The following ZPBP variants were observed in gnomAD, a reference collection of about 807,000 sequenced individuals.
ZPBP encodes zona pellucida binding protein.
Under a neutral mutation model 44.8 loss-of-function variants are expected in ZPBP, and 26 were observed. The observed-to-expected ratio is 0.58, with a 90% CI of 0.43 to 0.81. ZPBP has a LOEUF of 0.81. Ranked by LOEUF, ZPBP falls within the 30% of genes least tolerant of loss-of-function variation. The pLI is 0.00. For synonymous variants in ZPBP, 174 were observed against 153.2 expected, an observed-to-expected ratio of 1.14 and a Z score of -1.00; for missense variants, 409 against 434.0, an observed-to-expected ratio of 0.94 and a Z score of 0.51.
intron 4 of ZPBP, among the ~76,000 whole-genome samples, chr7:50,055,780 C>T (rs1477515367): frequency 6.6e-6 from 1 of 152,094 alleles, no homozygotes; most frequent in African/African-American, 2.4e-5. Context: ...TATTAGCTAT[C>T]ATTATCATTA....
downstream of ZPBP, chr7:49,937,422 A>T (rs1055056682): frequency 7.9e-5 from 70 of 884,532 alleles, no homozygotes; most frequent in Admixed American, 6.1e-4. Flanking sequence ...ATGATGACAC[A>T]TTTTTTTGTA....
intron 1 of ZPBP, chr7:49,917,620 T>C (rs1226950428): frequency 2.6e-5 from 4 of 152,164 alleles, no homozygotes; most frequent in African/African-American, 7.2e-5. Flanking sequence ...CTAAACACAA[T>C]TGCAAATATT....
At chr7:49,980,086 ATTTT>A (rs1460687709) in intron 7 of ZPBP, among the ~76,000 whole-genome samples, 2 of 97,942 alleles carry the variant, frequency 2.0e-5, no homozygotes, top group Admixed American at 1.6e-4. Context: ...ATATAATATA[ATTTT>A]ATATTATATA....
intron 7 of ZPBP, among the ~76,000 whole-genome samples, chr7:49,953,862 T>C (rs1363159422): frequency 1.3e-5 from 2 of 152,140 alleles, no homozygotes; most frequent in East Asian, 1.9e-4. Flanking sequence ...GTACTTAATA[T>C]TGTTAAGATG....
At chr7:50,012,174 G>C (rs1426112655) in intron 6 of ZPBP, among the ~76,000 whole-genome samples, 4 of 151,876 alleles carry the variant, frequency 2.6e-5, no homozygotes, top group Admixed American at 2.6e-4. Flanking sequence ...GCAATTTCAT[G>C]CCAGAAAAAT....
At chr7:50,062,091 A>G (rs919016628) in intron 3 of ZPBP, among the ~76,000 whole-genome samples, 1 of 152,230 alleles carries the variant, frequency 6.6e-6, no homozygotes, top group African/African-American at 2.4e-5. Flanking sequence ...CAAAAAGAAT[A>G]AAATACCTAG....
chr7:50,034,452 T>G (rs1276721276), intron 4 of ZPBP, among the ~76,000 whole-genome samples: 1 of 152,196 alleles, frequency 6.6e-6, no homozygotes, highest in African/African-American at 2.4e-5. Context: ...TGGGAAAATC[T>G]ATCAAATTGC....
chr7:49,992,669 T>TA (rs1797624426), intron 6 of ZPBP, among the ~76,000 whole-genome samples: 1 of 152,116 alleles, frequency 6.6e-6, no homozygotes, highest in Non-Finnish European at 1.5e-5. Context: ...CATTGAGATA[T>TA]GATATAATTT....
At chr7:49,976,532 G>A (rs1198819693) in intron 7 of ZPBP, among the ~76,000 whole-genome samples, 1 of 152,110 alleles carries the variant, frequency 6.6e-6, no homozygotes, top group African/African-American at 2.4e-5. Context: ...ATGATAGAAA[G>A]GAAGGGAGCT....
At chr7:49,970,153 T>C (rs1253796623) in intron 7 of ZPBP, among the ~76,000 whole-genome samples, 2 of 152,096 alleles carry the variant, frequency 1.3e-5, no homozygotes, top group Non-Finnish European at 2.9e-5. Context: ...TAGCTACATG[T>C]CTGGCCTATG....
At chr7:49,950,298 GGATA>G (rs1254839749) in intron 7 of ZPBP, among the ~76,000 whole-genome samples, 4 of 151,810 alleles carry the variant, frequency 2.6e-5, no homozygotes, top group Non-Finnish European at 5.9e-5. Flanking sequence ...AGTCTTGACT[GGATA>G]GATTCTCAGT....
intron 2 of ZPBP, among the ~76,000 whole-genome samples, chr7:49,884,469 G>A (rs1218593110): frequency 1.3e-5 from 2 of 152,074 alleles, no homozygotes; most frequent in East Asian, 1.9e-4. Flanking sequence ...TTCGGGGTGG[G>A]GTAAGAAAGT....
intron 2 of ZPBP, among the ~76,000 whole-genome samples, chr7:49,869,390 G>A (rs1322389716): frequency 6.6e-6 from 1 of 151,912 alleles, no homozygotes; most frequent in African/African-American, 2.4e-5. Context: ...GAGAAGGGGA[G>A]GAAGGACTAT....
At chr7:50,013,500 T>C (rs1798678225) in intron 6 of ZPBP, among the ~76,000 whole-genome samples, 1 of 152,046 alleles carries the variant, frequency 6.6e-6, no homozygotes. Context: ...ATTATTATAC[T>C]ATTTCCAATT....
intron 3 of ZPBP, among the ~76,000 whole-genome samples, chr7:50,060,558 C>T (rs575450080): frequency 6.6e-6 from 1 of 152,082 alleles, no homozygotes; most frequent in Non-Finnish European, 1.5e-5. Context: ...ACTAGAAAAC[C>T]TAGAGAAATG....
chr7:50,010,407 A>G (rs1798515022), intron 6 of ZPBP, among the ~76,000 whole-genome samples: 1 of 152,180 alleles, frequency 6.6e-6, no homozygotes, highest in South Asian at 2.1e-4. Flanking sequence ...GAACAATTGG[A>G]CATCCATAGG....
At chr7:49,912,855 T>G (rs531255756) in intron 1 of ZPBP, 1 of 152,352 alleles carries the variant, frequency 6.6e-6, no homozygotes, top group South Asian at 2.1e-4. Context: ...GCTCCTGTAT[T>G]GTACACCATA....
At chr7:49,992,783 C>T (rs1186484376) in intron 6 of ZPBP, among the ~76,000 whole-genome samples, 2 of 152,050 alleles carry the variant, frequency 1.3e-5, no homozygotes, top group Non-Finnish European at 2.9e-5. Flanking sequence ...TAACTGCTGA[C>T]AGCCAATGAA....
chr7:49,994,695 A>G (rs2128790514), intron 6 of ZPBP, among the ~76,000 whole-genome samples: 1 of 152,288 alleles, frequency 6.6e-6, no homozygotes, highest in African/African-American at 2.4e-5. Flanking sequence ...GGCCTGTGAT[A>G]TGATTCACAT....
Sources: gnomAD v4.1 joint callset for allele counts (sites outside exome capture counted in the v4.1 genomes callset) on GRCh38, gnomAD v4.1.1 for gene constraint, MANE v1.5 for transcripts, NCBI Gene and HGNC (gene_info 2026-07-23, HGNC 2026-07-21) for gene names.